Variants in COPG2 observed in about 807,000 individuals in gnomAD.
COPG2 encodes coat protein complex I subunit gamma 2, also known as coatomer subunit gamma-2.
Under a neutral mutation model 46.3 loss-of-function variants are expected in COPG2, and 37 were observed. The observed-to-expected ratio is 0.80, with a 90% confidence interval of 0.61 to 1.05. The LOEUF is 1.05. Among genes scored for constraint, COPG2 ranks in the 50% least tolerant of loss-of-function variants. The pLI is 0.00. For missense variants in COPG2, 427 were observed against 387.8 expected (o/e 1.10, Z -0.85); for synonymous variants, 159 against 129.7 (o/e 1.23, Z -1.53).
intron 11 of COPG2, 41 bp from the exon 12 acceptor site, chr7:130,561,262 T>C: frequency 2.5e-6 from 1 of 398,482 alleles, no homozygotes; most frequent in Non-Finnish European, 4.4e-6. Flanking sequence ...AAATTGCTTT[T>C]GATAAAGGCC....
chr7:130,619,474 C>T (rs1436856683), intron 5 of COPG2, among the ~76,000 whole-genome samples: 7 of 152,118 alleles, frequency 4.6e-5, no homozygotes, highest in African/African-American at 7.2e-5. Flanking sequence ...AATTAATGCA[C>T]GTAAGCTTTC....
intron 5 of COPG2, among the ~76,000 whole-genome samples, chr7:130,633,132 T>C (rs1207683227): frequency 1.3e-5 from 2 of 152,342 alleles, no homozygotes; most frequent in East Asian, 1.9e-4. Context: ...ATTTTCTTTA[T>C]CCAATCTATC....
intron 9 of COPG2, among the ~76,000 whole-genome samples, chr7:130,608,426 C>T (rs6970856): frequency 0.19 from 29,476 of 152,168 alleles, 3,044 homozygotes; most frequent in Middle Eastern, 0.25. Context: ...AAGATCCTGG[C>T]ATCCATCTAC....
chr7:130,634,235 A>C (rs1372684951), intron 5 of COPG2, among the ~76,000 whole-genome samples: 2 of 152,146 alleles, frequency 1.3e-5, no homozygotes, highest in Non-Finnish European at 2.9e-5. Context: ...AATTTAAAGT[A>C]GTTTTTTTCT....
chr7:130,565,471 T>C (rs1419637411), intron 9 of COPG2, among the ~76,000 whole-genome samples: 1 of 152,182 alleles, frequency 6.6e-6, no homozygotes, highest in Non-Finnish European at 1.5e-5. Flanking sequence ...TGATTACCAG[T>C]GTTGTCACAT....
intron 9 of COPG2, among the ~76,000 whole-genome samples, chr7:130,583,119 C>T (rs1392663280): frequency 6.0e-5 from 9 of 151,000 alleles, no homozygotes; most frequent in East Asian, 5.8e-4. Context: ...AATGATAGAC[C>T]GGATTAAGAA....
chr7:130,549,452 G>A, intron 17 of COPG2, 76 bp from the exon 18 acceptor site: 1 of 398,182 alleles, frequency 2.5e-6, no homozygotes, highest in Non-Finnish European at 4.4e-6. Context: ...AGAAAGAGAG[G>A]AGAGCAGACA....
At position 130,667,493 on chromosome 7, in the gene COPG2, C is replaced by A. The variant is rs1554461636; in HGVS notation, c.79G>T (p.Val27Phe). Residue 27 changes from valine (V) to phenylalanine (F), a missense_variant, in exon 2 of 24, where the codon GTT becomes TTT. Transcript: ENST00000425248. ...NPFQHLEKSA[V>F]LQEARIFNET... ...CTTCCCAGTCATACCTCCTGTAAAACAGCACTCTTCTCCAGATGCTGGAAA... is the reference window on the plus strand; with the variant it reads ...CTTCCCAGTCATACCTCCTGTAAAAAAGCACTCTTCTCCAGATGCTGGAAA... 1.9e-6 allele frequency: 3 copies of A among 1,613,368 alleles called. No homozygotes were observed. Among genetic ancestry groups the A allele is most frequent in the Non-Finnish European group, 2.5e-6 (3 of 1,179,558 alleles).
chr7:130,564,032 A>C (rs1442655454), intron 10 of COPG2, among the ~76,000 whole-genome samples: 1 of 152,146 alleles, frequency 6.6e-6, no homozygotes, highest in Non-Finnish European at 1.5e-5. Flanking sequence ...GTACATATAA[A>C]TAAAATTCTT....
chr7:130,641,231 G>GAAAGAAGA (rs1367270827), intron 5 of COPG2, among the ~76,000 whole-genome samples: 1 of 146,176 alleles, frequency 6.8e-6, no homozygotes, highest in African/African-American at 2.5e-5. Flanking sequence ...AATCTGTCAA[G>GAAAGAAGA]AAAGAAGAAG....
chr7:130,622,482 T>C (rs557807317), intron 5 of COPG2, among the ~76,000 whole-genome samples: 6 of 152,088 alleles, frequency 3.9e-5, no homozygotes, highest in Admixed American at 2.0e-4. Flanking sequence ...TCAAAAGAGG[T>C]GTCCAATACA....
At chr7:130,536,993 T>G (rs1374569349) in intron 20 of COPG2, among the ~76,000 whole-genome samples, 59 of 130,628 alleles carry the variant, frequency 4.5e-4, no homozygotes, top group African/African-American at 1.1e-3. Context: ...AGGGAGGAGG[T>G]GGGAGGAGGG....
In COPG2 at chr7:130,539,838, G is replaced by A. The variant is rs1042364228; in HGVS notation, c.2149+7836C>T. ...CAGCCATAGTTGGAGCGAGGTGAACGGGGAGGTCCCAGAGTAGGAACAAAG... is the reference window on the plus strand; with the variant it reads ...CAGCCATAGTTGGAGCGAGGTGAACAGGGAGGTCCCAGAGTAGGAACAAAG... On this transcript the variant is annotated intron_variant, in intron 20 of 23. Coordinates refer to ENST00000425248, the MANE Select transcript of COPG2 (RefSeq NM_012133.6). Among the ~76,000 whole-genome samples the A allele has an allele frequency of 2.6e-5, 4 of 152,286 alleles. No homozygotes were observed. In the South Asian group the frequency reaches 8.3e-4, roughly 32 times the overall value.
At chr7:130,648,182 A>G (rs910696337) in intron 5 of COPG2, among the ~76,000 whole-genome samples, 1 of 152,162 alleles carries the variant, frequency 6.6e-6, no homozygotes, top group Non-Finnish European at 1.5e-5. Context: ...CAAATTTTCT[A>G]TGCATACAGA....
chr7:130,660,135 C>T (rs1218479983), intron 4 of COPG2, among the ~76,000 whole-genome samples: 1 of 152,198 alleles, frequency 6.6e-6, no homozygotes, highest in Non-Finnish European at 1.5e-5. Context: ...TGTCCCAAAA[C>T]AATCACTCCC....
chr7:130,527,766 T>A (rs1799787865), intron 20 of COPG2, among the ~76,000 whole-genome samples: 2 of 151,800 alleles, frequency 1.3e-5, no homozygotes, highest in African/African-American at 4.8e-5. Flanking sequence ...GGCATCAGGG[T>A]CAAGACTGTC....
At chr7:130,597,330 T>C (rs1175326382) in intron 9 of COPG2, among the ~76,000 whole-genome samples, 7 of 152,248 alleles carry the variant, frequency 4.6e-5, no homozygotes, top group African/African-American at 1.7e-4. Context: ...ATGTCTGATC[T>C]AGCCTACTGC....
intron 1 of COPG2, among the ~76,000 whole-genome samples, chr7:130,668,004 T>C (rs908508147): frequency 6.6e-6 from 1 of 152,158 alleles, no homozygotes. Flanking sequence ...TGGGAGATGC[T>C]ACCAAACACT....
chr7:130,610,947 A>C lies in COPG2; in HGVS notation c.737+6T>G. On this transcript the variant is annotated splice_donor_region_variant and intron_variant, in intron 9 of 23. Transcript: ENST00000425248. ...AAATAACCCAGGTTTAGGTGAAGACACTTACCCATCCTCAGTTTCTTTTAG... is the reference window on the plus strand; with the variant it reads ...AAATAACCCAGGTTTAGGTGAAGACCCTTACCCATCCTCAGTTTCTTTTAG... 1.2e-6 allele frequency: 2 copies of C among 1,613,840 alleles called. No homozygotes were observed. Among genetic ancestry groups the C allele is most frequent in the Non-Finnish European group, 1.7e-6 (2 of 1,179,730 alleles).
Sources: allele counts gnomAD v4.1 joint callset (sites outside exome capture counted in the v4.1 genomes callset), GRCh38; gene constraint gnomAD v4.1.1; transcripts MANE v1.5; gene names NCBI Gene and HGNC (gene_info 2026-07-23, HGNC 2026-07-21).